Variants in COL8A1 observed in about 807,000 individuals in gnomAD.
COL8A1 encodes the protein collagen type VIII alpha 1 chain, also known as collagen alpha-1(VIII) chain.
A neutral mutation model predicts 42.7 loss-of-function variants in COL8A1; 21 were observed. The ratio of observed to expected loss-of-function variants is 0.49; its 90% CI spans 0.35 to 0.71. The LOEUF is 0.71. Among genes scored for constraint, COL8A1 ranks in the 30% least tolerant of loss-of-function variants. The pLI is 0.01. For synonymous variants in COL8A1, 367 were observed against 369.1 expected, an observed-to-expected ratio of 0.99 and a Z score of 0.06; for missense variants, 788 against 962.4, an observed-to-expected ratio of 0.82 and a Z score of 2.40.
Position 99,790,747 on chromosome 3 carries a change from T to A in COL8A1, c.65T>A (p.Ile22Asn), listed in dbSNP as rs374063418. The A allele has an allele frequency of 6.2e-7, 1 of 1,614,064 alleles. No individual in the cohort carries two copies. The highest frequency in any genetic ancestry group is 8.5e-7 in the Non-Finnish European group (1 of 1,180,052). ...CTGCTTACCATTTCCCTGAGTTCCA[T>A]CAGGCTCATTCAGGCTGGTGCCTAC... is the stretch of plus-strand genomic sequence containing the variant. ...GVLLTISLSSIRLIQAGAYYG... is the reference protein window; with the variant it reads ...GVLLTISLSSNRLIQAGAYYG... Residue 22 changes from isoleucine (I) to asparagine (N), a missense_variant, in exon 3 of 4, where the codon ATC becomes AAC. Ile to Asn is a moderately radical substitution (Grantham distance 149, BLOSUM62 -3). This residue lies in a region of COL8A1 where 421 missense variants were observed against 553.1 expected (regional missense o/e 0.76). Transcript: ENST00000652472.
intron 1 of COL8A1, among the ~76,000 whole-genome samples, chr3:99,721,176 A>G (rs1397476151): frequency 6.6e-6 from 1 of 152,116 alleles, no homozygotes; most frequent in Non-Finnish European, 1.5e-5. Flanking sequence ...GGCGACTGCC[A>G]GGCAGGCACT....
chr3:99,789,408 T>C (rs1300259855), intron 2 of COL8A1, among the ~76,000 whole-genome samples: 1 of 152,198 alleles, frequency 6.6e-6, no homozygotes, highest in African/African-American at 2.4e-5. Flanking sequence ...AGCATTATGA[T>C]GACATGTCCC....
intron 2 of COL8A1, among the ~76,000 whole-genome samples, chr3:99,783,646 G>C (rs1172453704): frequency 4.6e-5 from 7 of 152,174 alleles, no homozygotes; most frequent in Admixed American, 3.3e-4. Context: ...ACATGGCTGG[G>C]GAGGCCTCAA....
At chr3:99,648,562 AAAC>A (rs1354937455) in intron 1 of COL8A1, among the ~76,000 whole-genome samples, 2 of 152,150 alleles carry the variant, frequency 1.3e-5, no homozygotes, top group African/African-American at 4.8e-5. Context: ...AAACAAAACA[AAAC>A]AAAAAACATC....
Position 99,790,836 on chromosome 3 carries a change from C to G in COL8A1, c.154C>G (p.Gln52Glu). The change falls in exon 3 of 4, where the codon CAG becomes GAG. Residue 52 changes from glutamine to glutamate, a missense_variant. By Grantham distance (29) the Gln-to-Glu change is conservative. Transcript: ENST00000652472. ...GATGCCACCACAAATTCCACAATAC[C>G]AGCCCCTGGGTCAGCAAGTACCTCA... is the stretch of plus-strand genomic sequence containing the variant. ...PQMPPQIPQY[Q>E]PLGQQVPHMP... 5 of 1,614,234 alleles carry G rather than the reference C, an allele frequency of 3.1e-6. No individual in the cohort carries two copies. The highest frequency in any genetic ancestry group is 4.2e-6 in the Non-Finnish European group (5 of 1,180,048).
intron 1 of COL8A1, among the ~76,000 whole-genome samples, chr3:99,641,930 C>T (rs1350588582): frequency 6.6e-6 from 1 of 152,084 alleles, no homozygotes; most frequent in Non-Finnish European, 1.5e-5. Context: ...AATGAATGCC[C>T]TTTGGAATTT....
chr3:99,746,058 T>C (rs1941019128), intron 2 of COL8A1, among the ~76,000 whole-genome samples: 1 of 152,202 alleles, frequency 6.6e-6, no homozygotes, highest in Non-Finnish European at 1.5e-5. Context: ...ATTTTTCTTG[T>C]TCTTTTTGGG....
intron 1 of COL8A1, among the ~76,000 whole-genome samples, chr3:99,708,131 C>A (rs956736553): frequency 2.6e-5 from 4 of 152,092 alleles, no homozygotes; most frequent in Admixed American, 2.0e-4. Context: ...TTTGGTTTAG[C>A]ATGATTTCCC....
At chr3:99,659,061 A>G (rs924403186) in intron 1 of COL8A1, among the ~76,000 whole-genome samples, 1 of 152,230 alleles carries the variant, frequency 6.6e-6, no homozygotes, top group Non-Finnish European at 1.5e-5. Flanking sequence ...ACTGGAGACA[A>G]AAACAATAGC....
Position 99,752,871 on chromosome 3 carries a change from C to T in COL8A1, c.-4+7850C>T, listed in dbSNP as rs140937520. Among the ~76,000 whole-genome samples the T allele has an allele frequency of 6.1e-4, 93 of 152,184 alleles. 4 individuals carry two copies. In the East Asian group the frequency reaches 0.017, roughly 28 times the overall value. On this transcript the variant is annotated intron_variant, in intron 2 of 3. Transcript: ENST00000652472. ...GGCTAGAATGTGCACCTAGTGGCCT[C>T]AGTTTAGAGGGGGAGAAGGGGAGAT...
chr3:99,699,860 C>A (rs1939485780), intron 1 of COL8A1, among the ~76,000 whole-genome samples: 1 of 152,180 alleles, frequency 6.6e-6, no homozygotes, highest in East Asian at 1.9e-4. Context: ...AACATACCGT[C>A]TTTTTTAACA....
At chr3:99,654,029 A>C (rs1445667973) in intron 1 of COL8A1, among the ~76,000 whole-genome samples, 1 of 152,170 alleles carries the variant, frequency 6.6e-6, no homozygotes, top group East Asian at 1.9e-4. Flanking sequence ...TGCAGCCTTC[A>C]GTCTGTGGCC....
Position 99,795,681 on chromosome 3 carries a change from G to T in COL8A1, c.1780G>T (p.Gly594Cys), listed in dbSNP as rs1265312275. ...GCCAGATATGGGGCTGGGAATTGAT[G>T]GCGTGAAACCCCCCCATGCCTACGG... Reference protein sequence around the residue: ...YLPDMGLGIDGVKPPHAYGAK... With the variant: ...YLPDMGLGIDCVKPPHAYGAK... The change falls in exon 4 of 4, where the codon GGC becomes TGC. Residue 594 changes from glycine (G) to cysteine (C), a missense_variant. Physicochemically the swap from Gly to Cys is radical, Grantham distance 159. Around this residue, in one of 4 missense-constraint regions of COL8A1, gnomAD observed 212 missense variants for 210.9 expected, o/e 1.00. Coordinates refer to ENST00000652472, the MANE Select transcript of COL8A1 (RefSeq NM_020351.4). The T allele has an allele frequency of 1.2e-6, 2 of 1,613,944 alleles. No individual in the cohort carries two copies. Among genetic ancestry groups the T allele is most frequent in the African/African-American group, 2.7e-5 (2 of 74,888 alleles).
chr3:99,670,384 G>C lies in COL8A1; in HGVS notation c.-129+31720G>C, dbSNP rs1052004830. ...TAATAGTCAAATTTAGTCATCCTTT[G>C]CTAGGTTGATGAGTAAACATACTTG... On this transcript the variant is annotated intron_variant, in intron 1 of 3. Transcript: ENST00000652472. Among the ~76,000 whole-genome samples, 4 of 151,998 alleles carry C rather than the reference G, an allele frequency of 2.6e-5. No individual in the cohort carries two copies. The East Asian group carries it at 7.7e-4, about 29-fold the overall frequency.
intron 1 of COL8A1, among the ~76,000 whole-genome samples, chr3:99,714,545 T>C (rs1278285165): frequency 6.6e-6 from 1 of 152,092 alleles, no homozygotes; most frequent in Non-Finnish European, 1.5e-5. Context: ...ACAACTTAAA[T>C]ATACTCTGCA....
intron 1 of COL8A1, among the ~76,000 whole-genome samples, chr3:99,743,485 T>C (rs1210898532): frequency 1.3e-5 from 2 of 152,196 alleles, no homozygotes; most frequent in Non-Finnish European, 2.9e-5. Flanking sequence ...TACTGCTTTT[T>C]TACAGTCATT....
chr3:99,783,496 C>T (rs1398077937), intron 2 of COL8A1, among the ~76,000 whole-genome samples: 2 of 152,188 alleles, frequency 1.3e-5, no homozygotes, highest in African/African-American at 4.8e-5. Flanking sequence ...TGGTCTTGCC[C>T]ACTGCCTCCA....
chr3:99,703,094 T>C (rs1183119371), intron 1 of COL8A1, among the ~76,000 whole-genome samples: 1 of 152,170 alleles, frequency 6.6e-6, no homozygotes, highest in Non-Finnish European at 1.5e-5. Flanking sequence ...CAGGACCTCA[T>C]AATGCATCAG....
intron 1 of COL8A1, among the ~76,000 whole-genome samples, chr3:99,713,716 A>G (rs1046278076): frequency 6.6e-6 from 1 of 152,094 alleles, no homozygotes; most frequent in Non-Finnish European, 1.5e-5. Flanking sequence ...GTATTGTTTC[A>G]ATAAAGTTGC....
Sources: gnomAD v4.1 joint callset for allele counts (sites outside exome capture counted in the v4.1 genomes callset) on GRCh38, gnomAD v4.1.1 for gene constraint, gnomAD v4.1.1 regional missense constraint, MANE v1.5 for transcripts, NCBI Gene and HGNC (gene_info 2026-07-23, HGNC 2026-07-21) for gene names.